The following ROBO1 variants were observed in gnomAD, a reference collection of about 807,000 sequenced individuals.
ROBO1 encodes roundabout homolog 1.
ROBO1 carries 149 observed loss-of-function variants against 195.9 expected under a neutral mutation model. The ratio of observed to expected loss-of-function variants is 0.76; its 90% CI spans 0.67 to 0.87. The LOEUF (loss-of-function observed/expected upper bound fraction) is 0.87. Among genes scored for constraint, ROBO1 ranks in the 40% least tolerant of loss-of-function variants. ROBO1 has a pLI of 0.00. For synonymous variants in ROBO1, 816 were observed against 733.2 expected, an observed-to-expected ratio of 1.11 and a Z score of -1.82; for missense variants, 1,933 against 2,068.3, an observed-to-expected ratio of 0.93 and a Z score of 1.27.
chr3:79,595,724 CTTT>C (rs371458059), intron 1 of ROBO1, among the ~76,000 whole-genome samples: 2 of 138,420 alleles, frequency 1.4e-5, no homozygotes, highest in African/African-American at 2.6e-5. Context: ...TTTCTTTTTA[CTTT>C]TTTTTTTTTT....
At chr3:79,219,406 C>T (rs901524927) in intron 2 of ROBO1, among the ~76,000 whole-genome samples, 3 of 151,918 alleles carry the variant, frequency 2.0e-5, no homozygotes, top group Non-Finnish European at 2.9e-5. Flanking sequence ...GACATGTTAG[C>T]TTGTACCATG....
chr3:79,594,049 T>G (rs1944087911), intron 1 of ROBO1, among the ~76,000 whole-genome samples: 1 of 152,034 alleles, frequency 6.6e-6, no homozygotes, highest in Admixed American at 6.6e-5. Flanking sequence ...GAGTAGAAAT[T>G]TTCAATTTTA....
intron 2 of ROBO1, among the ~76,000 whole-genome samples, chr3:79,236,006 T>C: frequency 6.6e-6 from 1 of 152,134 alleles, no homozygotes; most frequent in East Asian, 1.9e-4. Context: ...AGAGAAGTTA[T>C]CATTTCCCCT....
At chr3:78,964,502 A>C (rs2041572477) in intron 3 of ROBO1, among the ~76,000 whole-genome samples, 1 of 151,422 alleles carries the variant, frequency 6.6e-6, no homozygotes, top group Non-Finnish European at 1.5e-5. Flanking sequence ...AAATATGTCC[A>C]AAAAAAAGGC....
chr3:78,651,866 A>C lies in ROBO1; in HGVS notation c.2678T>G (p.Val893Gly). 1 of 1,613,798 alleles carries C rather than the reference A, an allele frequency of 6.2e-7. No homozygotes were observed. The highest frequency in any genetic ancestry group is 8.5e-7 in the Non-Finnish European group (1 of 1,179,748). ...TGCTATGAAGGCCGGCTGCTTCACCACATCTGAAATCTGCTGAGCGAGGCT... is the reference window on the plus strand; with the variant it reads ...TGCTATGAAGGCCGGCTGCTTCACCCCATCTGAAATCTGCTGAGCGAGGCT... ...QVSLAQQISD[V>G]VKQPAFIAGI... Residue 893 changes from valine to glycine, a missense_variant, in exon 19 of 31, where the codon GTG (valine) becomes GGG (glycine). By Grantham distance (109) the Val-to-Gly change is moderately radical. Coordinates refer to ENST00000464233, the MANE Select transcript of ROBO1 (RefSeq NM_002941.4).
intron 8 of ROBO1, among the ~76,000 whole-genome samples, chr3:78,694,668 C>A (rs558981702): frequency 6.6e-6 from 1 of 152,188 alleles, no homozygotes; most frequent in East Asian, 1.9e-4. Flanking sequence ...CTCAAAAACA[C>A]GGAATGGATA....
chr3:78,881,506 A>C (rs1225328761), intron 4 of ROBO1, among the ~76,000 whole-genome samples: 1 of 152,210 alleles, frequency 6.6e-6, no homozygotes, highest in Non-Finnish European at 1.5e-5. Flanking sequence ...TTTTTCTTTC[A>C]TTGGCTAATT....
At chr3:79,725,773 A>C (rs1380786978) in intron 1 of ROBO1, among the ~76,000 whole-genome samples, 1 of 152,272 alleles carries the variant, frequency 6.6e-6, no homozygotes, top group East Asian at 1.9e-4. Flanking sequence ...TTTACTGATA[A>C]GCTTGCTAAA....
At chr3:79,045,048 G>A (rs1314064796) in intron 3 of ROBO1, among the ~76,000 whole-genome samples, 1 of 151,976 alleles carries the variant, frequency 6.6e-6, no homozygotes, top group Non-Finnish European at 1.5e-5. Flanking sequence ...TGGGCTGTCA[G>A]CAAAGAATAG....
chr3:78,874,634 T>C (rs2035733938), intron 4 of ROBO1, among the ~76,000 whole-genome samples: 3 of 151,830 alleles, frequency 2.0e-5, no homozygotes, highest in African/African-American at 7.2e-5. Flanking sequence ...TTTATACTAA[T>C]TATTAGCTCA....
In ROBO1 at chr3:79,252,602, C is replaced by T. The variant is rs191047390; in HGVS notation, c.89-127063G>A. ...CCACCCAGTTTGTGGTAATTTGTTA[C>T]AGCAGCCCCAGGGAACTAATAAAGC... On this transcript the variant is annotated intron_variant, in intron 2 of 30. Transcript: ENST00000464233. Among the ~76,000 whole-genome samples, 728 of 152,258 alleles carry T rather than the reference C, an allele frequency of 4.8e-3. 2 individuals carry two copies. Among genetic ancestry groups the T allele is most frequent in the Non-Finnish European group, 8.1e-3 (551 of 68,010 alleles).
intron 4 of ROBO1, among the ~76,000 whole-genome samples, chr3:78,780,222 T>A (rs1476141914): frequency 1.3e-5 from 2 of 152,180 alleles, no homozygotes; most frequent in Non-Finnish European, 2.9e-5. Context: ...AAGCTACATG[T>A]TCTGGACATG....
At chr3:78,718,287 T>C (rs1317449184) in intron 5 of ROBO1, among the ~76,000 whole-genome samples, 1 of 152,220 alleles carries the variant, frequency 6.6e-6, no homozygotes, top group South Asian at 2.1e-4. Context: ...AAATATGTAT[T>C]AGCTATAAGT....
intron 2 of ROBO1, among the ~76,000 whole-genome samples, chr3:79,237,108 C>A (rs1217244860): frequency 6.6e-6 from 1 of 152,000 alleles, no homozygotes; most frequent in Non-Finnish European, 1.5e-5. Context: ...GAAAAGCAAG[C>A]AAGTAGAATA....
intron 4 of ROBO1, among the ~76,000 whole-genome samples, chr3:78,904,752 A>G (rs1559983781): frequency 6.7e-6 from 1 of 149,350 alleles, no homozygotes; most frequent in South Asian, 2.1e-4. Flanking sequence ...ATATGTATAT[A>G]TGTGTGTATA....
intron 2 of ROBO1, among the ~76,000 whole-genome samples, chr3:79,447,654 T>C (rs2039307522): frequency 6.6e-6 from 1 of 152,184 alleles, no homozygotes; most frequent in African/African-American, 2.4e-5. Context: ...CTGATGATTA[T>C]ACAGTACTTG....
intron 2 of ROBO1, among the ~76,000 whole-genome samples, chr3:79,423,239 T>G (rs150486856): frequency 0.013 from 1,933 of 152,190 alleles, 17 homozygotes; most frequent in Non-Finnish European, 0.021. Context: ...GAGATTAAAA[T>G]GGGGGTGAGT....
At chr3:79,055,775 T>C (rs1371940880) in intron 3 of ROBO1, among the ~76,000 whole-genome samples, 1 of 152,160 alleles carries the variant, frequency 6.6e-6, no homozygotes, top group Non-Finnish European at 1.5e-5. Flanking sequence ...AGGGCTGGTT[T>C]AGGTTACCCT....
intron 1 of ROBO1, among the ~76,000 whole-genome samples, chr3:79,713,753 C>A (rs1050767570): frequency 3.3e-5 from 5 of 152,092 alleles, no homozygotes; most frequent in African/African-American, 9.7e-5. Context: ...TTTAATCCAT[C>A]TTGAATTAAT....
Sources: allele counts gnomAD v4.1 joint callset (sites outside exome capture counted in the v4.1 genomes callset), GRCh38; gene constraint gnomAD v4.1.1; transcripts MANE v1.5; gene names NCBI Gene and HGNC (gene_info 2026-07-23, HGNC 2026-07-21).